The following CD96 variants were observed in gnomAD, a reference collection of about 807,000 sequenced individuals.
CD96 encodes the protein CD96 molecule, also known as T-cell surface protein tactile.
In CD96, 70 loss-of-function variants were observed where a neutral mutation model predicts 71.3. The observed-to-expected ratio is 0.98, with a 90% CI of 0.81 to 1.20. The LOEUF is 1.20. CD96 is among the 50% of genes most tolerant of loss of function. CD96 has a pLI of 0.00. For synonymous variants in CD96, 248 were observed against 233.0 expected, an observed-to-expected ratio of 1.06 and a Z score of -0.59; for missense variants, 742 against 677.5, an observed-to-expected ratio of 1.10 and a Z score of -1.06.
In CD96 at chr3:111,558,376, G is replaced by A. The variant is rs920788313; in HGVS notation, c.419-9147G>A. Among the ~76,000 whole-genome samples, 524 of 139,090 alleles carry A rather than the reference G, an allele frequency of 3.8e-3. 11 individuals carry two copies. The highest frequency in any genetic ancestry group is 0.013 in the African/African-American group (468 of 35,390). The allele number at this position is 139,090 out of a possible 152,430, so 91.2% of individuals were successfully genotyped here. A position where few individuals can be genotyped will look rare whatever the true frequency, so the allele number is the denominator to read the frequency against. On this transcript the variant is annotated intron_variant, in intron 2 of 13. Transcript: ENST00000352690. ...GATAGCTCTTATCATTTTGAAATACGTCCCATCAATACCGAATTTATTGAG... is the reference window on the plus strand; with the variant it reads ...GATAGCTCTTATCATTTTGAAATACATCCCATCAATACCGAATTTATTGAG...
intron 10 of CD96, among the ~76,000 whole-genome samples, chr3:111,627,575 C>T (rs2107723623): frequency 6.6e-6 from 1 of 152,312 alleles, no homozygotes; most frequent in Middle Eastern, 3.4e-3. Context: ...CCAGTTCAGG[C>T]TGTGGGCCTT....
At chr3:111,551,744 G>A (rs1475806573) in intron 2 of CD96, among the ~76,000 whole-genome samples, 6 of 152,204 alleles carry the variant, frequency 3.9e-5, no homozygotes, top group Admixed American at 1.3e-4. Context: ...AGGCCCCAGT[G>A]TGTATTGTTC....
At chr3:111,604,525 CTA>C (rs1165071405) in intron 7 of CD96, among the ~76,000 whole-genome samples, 1 of 152,166 alleles carries the variant, frequency 6.6e-6, no homozygotes, top group Non-Finnish European at 1.5e-5. Flanking sequence ...ATGTGGAAAG[CTA>C]TGTTTCCCCT....
chr3:111,631,200 T>C (rs767626417), intron 10 of CD96, among the ~76,000 whole-genome samples: 34 of 152,120 alleles, frequency 2.2e-4, no homozygotes, highest in Non-Finnish European at 3.8e-4. Flanking sequence ...ATAAAGGAAG[T>C]TGAACTATCT....
intron 5 of CD96, chr3:111,593,340 G>A (rs1937084307): frequency 4.0e-6 from 2 of 498,956 alleles, no homozygotes; most frequent in African/African-American, 3.9e-5. Flanking sequence ...TAGAGTTTCG[G>A]CCAAGGGTCA....
At chr3:111,545,450 T>C (rs1280537720) in intron 2 of CD96, 48 bp downstream of exon 2, 1 of 1,210,288 alleles carries the variant, frequency 8.3e-7, no homozygotes, top group South Asian at 1.2e-5. Flanking sequence ...CTCTCTCTCA[T>C]TCAACAAATG....
intron 3 of CD96, among the ~76,000 whole-genome samples, chr3:111,573,782 A>G (rs1936097053): frequency 6.6e-6 from 1 of 152,210 alleles, no homozygotes; most frequent in Non-Finnish European, 1.5e-5. Flanking sequence ...TGTGCTATTT[A>G]TGTTAAAAGG....
At chr3:111,553,101 T>C (rs1377200034) in intron 2 of CD96, among the ~76,000 whole-genome samples, 2 of 151,298 alleles carry the variant, frequency 1.3e-5, no homozygotes, top group Non-Finnish European at 2.9e-5. Context: ...AGCCATAATC[T>C]ACCACCAAAA....
downstream of CD96, among the ~76,000 whole-genome samples, chr3:111,653,739 T>G (rs1333526370): frequency 6.6e-6 from 1 of 152,226 alleles, no homozygotes; most frequent in Non-Finnish European, 1.5e-5. Context: ...AGACAAGAGC[T>G]GCTGCTTTGT....
intron 2 of CD96, among the ~76,000 whole-genome samples, chr3:111,562,185 GGGAGCTGTAGACC>G (rs1447188225): frequency 6.6e-6 from 1 of 152,194 alleles, no homozygotes; most frequent in Admixed American, 6.5e-5. Context: ...CGCTCACGTT[GGGAGCTGTAGACC>G]GGAGCTGTTC....
intron 3 of CD96, among the ~76,000 whole-genome samples, chr3:111,574,861 C>T (rs1218748411): frequency 6.6e-6 from 1 of 151,790 alleles, no homozygotes; most frequent in Non-Finnish European, 1.5e-5. Context: ...TGGCTCACTG[C>T]AGCCTTGACC....
At chr3:111,631,187 G>C (rs1320701657) in intron 10 of CD96, among the ~76,000 whole-genome samples, 1 of 152,088 alleles carries the variant, frequency 6.6e-6, no homozygotes, top group South Asian at 2.1e-4. Context: ...ATTTAAATAG[G>C]AAATAAAGGA....
chr3:111,562,137 C>G (rs921479847), intron 2 of CD96, among the ~76,000 whole-genome samples: 2 of 152,210 alleles, frequency 1.3e-5, no homozygotes, highest in African/African-American at 4.8e-5. Context: ...GAACCCAGTA[C>G]CTCAGATGGA....
chr3:111,598,105 C>T lies in CD96; in HGVS notation c.808-15C>T, dbSNP rs1238755443. 1.8e-6 allele frequency: 2 copies of T among 1,137,808 alleles called. No homozygotes were observed. Among genetic ancestry groups the T allele is most frequent in the Non-Finnish European group, 2.7e-6 (2 of 746,172 alleles). 70.5% of individuals were successfully genotyped at this position (1,137,808 alleles called of 1,614,324 possible). A position where few individuals can be genotyped will look rare whatever the true frequency, so the allele number is the denominator to read the frequency against. ...TAGGAATTTGCAAATAATCCTTTTTCTGTCTTTACCCCAGAGAAGATTTAC... is the reference window on the plus strand; with the variant it reads ...TAGGAATTTGCAAATAATCCTTTTTTTGTCTTTACCCCAGAGAAGATTTAC... On this transcript the variant is annotated splice_polypyrimidine_tract_variant and intron_variant, in intron 5 of 13. Coordinates refer to ENST00000352690, the MANE Select transcript of CD96 (RefSeq NM_005816.5).
At chr3:111,664,410 G>T (rs1940432566) in intron 14 of CD96, among the ~76,000 whole-genome samples, 1 of 151,590 alleles carries the variant, frequency 6.6e-6, no homozygotes, top group East Asian at 1.9e-4. Context: ...TGCAGGAACA[G>T]GAAAAAAAAA....
In CD96 at chr3:111,606,777, A is replaced by G; in HGVS notation, c.1165A>G (p.Ser389Gly). ...TGACACCCAACCTTCTCCAGCCAGC[A>G]GTGTATCTCCTGCAAGTAAGAATGT... is the stretch of plus-strand genomic sequence containing the variant. ...TLDTQPSPAS[S>G]VSPARYPATS... Residue 389 changes from serine to glycine, a missense_variant, in exon 8 of 14, where the codon AGT (serine) becomes GGT (glycine). Physicochemically the swap from Ser to Gly is moderately conservative, Grantham distance 56. Coordinates refer to ENST00000352690, the MANE Select transcript of CD96 (RefSeq NM_005816.5). The G allele has an allele frequency of 6.3e-7, 1 of 1,583,344 alleles. No individual in the cohort carries two copies.
chr3:111,590,479 ATTAG>A (rs1303265176), intron 5 of CD96, among the ~76,000 whole-genome samples: 2 of 152,226 alleles, frequency 1.3e-5, no homozygotes, highest in Non-Finnish European at 2.9e-5. Context: ...TTCCTGTGTT[ATTAG>A]TTAAACTTAC....
intron 5 of CD96, among the ~76,000 whole-genome samples, chr3:111,591,180 C>A (rs1474681440): frequency 6.6e-6 from 1 of 152,050 alleles, no homozygotes; most frequent in African/African-American, 2.4e-5. Flanking sequence ...CCAGACCATC[C>A]TGGCCAACGT....
In CD96 at chr3:111,650,486, C is replaced by G. The variant is rs886057772; in HGVS notation, c.*680C>G. Reference sequence around the variant, plus strand: ...CAAAAACCCAGTAGCCTAGAAGATACAAAACTCCACTGGCCTCTAAAATTA... The same window carrying G: ...CAAAAACCCAGTAGCCTAGAAGATAGAAAACTCCACTGGCCTCTAAAATTA... On this transcript the variant is annotated 3_prime_UTR_variant, in exon 14 of 14. Coordinates refer to ENST00000352690, the MANE Select transcript of CD96 (RefSeq NM_005816.5). 3.3e-5 allele frequency: 5 copies of G among 153,114 alleles called. No homozygotes were observed. In the East Asian group the frequency reaches 9.6e-4, roughly 29 times the overall value. The allele number at this position is 153,114 out of a possible 1,614,324, so 9.5% of individuals were successfully genotyped here. A position where few individuals can be genotyped will look rare whatever the true frequency, so the allele number is the denominator to read the frequency against.
Sources: allele counts gnomAD v4.1 joint callset (sites outside exome capture counted in the v4.1 genomes callset), GRCh38; gene constraint gnomAD v4.1.1; transcripts MANE v1.5; gene names NCBI Gene and HGNC (gene_info 2026-07-23, HGNC 2026-07-21).